CDH23: variants seen among roughly 807,000 people sequenced by gnomAD.
CDH23 encodes cadherin related 23.
CDH23 carries 189 observed loss-of-function variants against 317.1 expected under a neutral mutation model. The observed-to-expected ratio is 0.60, with a 90% CI of 0.53 to 0.67. The LOEUF (loss-of-function observed/expected upper bound fraction) is 0.67, where lower values mean the gene tolerates loss of function less well. Among genes scored for constraint, CDH23 ranks in the 30% least tolerant of loss-of-function variants. The pLI, the probability that CDH23 is intolerant of heterozygous loss-of-function variation, is 0.00. For missense variants in CDH23, 4,401 were observed against 4,592.4 expected (o/e 0.96, Z 1.20); for synonymous variants, 1,839 against 1,876.8 (o/e 0.98, Z 0.52).
At chr10:71,548,084 C>T (rs1856383464) in intron 6 of CDH23, among the ~76,000 whole-genome samples, 1 of 152,200 alleles carries the variant, frequency 6.6e-6, no homozygotes, top group African/African-American at 2.4e-5. Flanking sequence ...TTGGGCTCAG[C>T]AGTTGGCTCT....
chr10:71,693,284 T>TA lies in CDH23; in HGVS notation c.2177-863_2177-862insA, dbSNP rs35878434. 2.0e-5 allele frequency among the ~76,000 whole-genome samples: 3 copies of TA among 152,168 alleles called. No homozygotes were observed. In the East Asian group the frequency reaches 5.8e-4, roughly 29 times the overall value. On this transcript the variant is annotated intron_variant, in intron 20 of 69. Coordinates refer to ENST00000224721, the MANE Select transcript of CDH23 (RefSeq NM_022124.6). The stretch of plus-strand genomic sequence containing the variant: ...AAGGAAATTGGCAAATGCCTTTTTT[T>TA]TTTTTTATTTTGGGGAGCCAGTTGT...
At chr10:71,677,824 G>A (rs1864440124) in intron 16 of CDH23, 131 bp downstream of exon 16, 3 of 736,424 alleles carry the variant, frequency 4.1e-6, no homozygotes, top group Middle Eastern at 3.8e-4. Context: ...GGAGTGCAGT[G>A]GTACAATCAG....
chr10:71,716,200 G>A (rs1441454362), intron 28 of CDH23: 1 of 1,551,248 alleles, frequency 6.4e-7, no homozygotes, highest in South Asian at 1.2e-5. Flanking sequence ...CCAGCAGGAG[G>A]AAGATGCAGG....
At chr10:71,540,796 G>C (rs1855944024) in intron 6 of CDH23, among the ~76,000 whole-genome samples, 1 of 152,082 alleles carries the variant, frequency 6.6e-6, no homozygotes, top group Admixed American at 6.5e-5. Flanking sequence ...GGCAGGCCCT[G>C]ATGGGAGGGC....
At chr10:71,762,400 G>A (rs949143637) in intron 38 of CDH23, among the ~76,000 whole-genome samples, 5 of 152,246 alleles carry the variant, frequency 3.3e-5, no homozygotes, top group African/African-American at 7.2e-5. Flanking sequence ...GTCCTTGGCC[G>A]CTCTGTAGGG....
chr10:71,794,007 G>T (rs1401767275), intron 48 of CDH23, among the ~76,000 whole-genome samples: 1 of 151,904 alleles, frequency 6.6e-6, no homozygotes, highest in East Asian at 1.9e-4. Context: ...TTTTTGTTTT[G>T]GCTTTTTTTT....
intron 3 of CDH23, among the ~76,000 whole-genome samples, chr10:71,457,966 C>G (rs4747155): frequency 0.45 from 68,799 of 152,078 alleles, 15,804 homozygotes; most frequent in East Asian, 0.6. Flanking sequence ...GGGGCTGACA[C>G]ATGAGCCTGG....
chr10:71,425,963 A>C (rs1849058810), intron 1 of CDH23, among the ~76,000 whole-genome samples: 1 of 152,218 alleles, frequency 6.6e-6, no homozygotes, highest in South Asian at 2.1e-4. Context: ...GGATGAGAGC[A>C]GAGAAAGCAA....
At chr10:71,486,303 T>C (rs1852343681) in intron 3 of CDH23, among the ~76,000 whole-genome samples, 1 of 152,112 alleles carries the variant, frequency 6.6e-6, no homozygotes, top group Non-Finnish European at 1.5e-5. Flanking sequence ...CTAGGCACTC[T>C]GGGATTACAG....
At chr10:71,604,719 C>T (rs933349686) in intron 9 of CDH23, among the ~76,000 whole-genome samples, 1 of 152,230 alleles carries the variant, frequency 6.6e-6, no homozygotes. Context: ...CCAGCCCTGC[C>T]CTCCTCCTCC....
At chr10:71,737,773 GC>G (rs1209980875) in intron 34 of CDH23, 3 of 469,606 alleles carry the variant, frequency 6.4e-6, no homozygotes, top group Non-Finnish European at 1.3e-5. Context: ...TGGACTGGAG[GC>G]CTCACCCGCG....
At chr10:71,562,366 G>C (rs960736945) in intron 6 of CDH23, among the ~76,000 whole-genome samples, 6 of 152,220 alleles carry the variant, frequency 3.9e-5, no homozygotes, top group Non-Finnish European at 8.8e-5. Context: ...GTCTGGAGAC[G>C]GTTAAAAAGA....
intron 3 of CDH23, among the ~76,000 whole-genome samples, chr10:71,481,445 C>T (rs1168719160): frequency 6.6e-6 from 1 of 152,052 alleles, no homozygotes; most frequent in Non-Finnish European, 1.5e-5. Context: ...CCCACATGGC[C>T]CCACCAAAGA....
At chr10:71,760,879 T>C in intron 38 of CDH23, 1 of 1,613,688 alleles carries the variant, frequency 6.2e-7, no homozygotes, top group Non-Finnish European at 8.5e-7. Context: ...TTCACTATCC[T>C]GGGAGGAGGA....
chr10:71,625,177 G>C (rs910772776), intron 11 of CDH23, among the ~76,000 whole-genome samples: 2 of 151,926 alleles, frequency 1.3e-5, no homozygotes, highest in African/African-American at 4.8e-5. Context: ...CGAGGGTTGA[G>C]AATTCAGTCA....
intron 9 of CDH23, among the ~76,000 whole-genome samples, chr10:71,611,989 G>A (rs1007517808): frequency 5.3e-5 from 8 of 152,228 alleles, no homozygotes; most frequent in Non-Finnish European, 1.0e-4. Flanking sequence ...TCCAGCTTTG[G>A]AGGCAGGGCT....
intron 19 of CDH23, among the ~76,000 whole-genome samples, 188 bp downstream of exon 19, chr10:71,687,907 C>G (rs1864974216): frequency 6.6e-6 from 1 of 152,224 alleles, no homozygotes; most frequent in Non-Finnish European, 1.5e-5. Context: ...CAGCTAACAG[C>G]TAGTTCCAGA....
At chr10:71,518,801 C>T (rs1404894197) in intron 6 of CDH23, among the ~76,000 whole-genome samples, 1 of 152,228 alleles carries the variant, frequency 6.6e-6, no homozygotes, top group Non-Finnish European at 1.5e-5. Flanking sequence ...AACAGGGTCC[C>T]ACAAAACCAG....
chr10:71,451,290 C>A (rs1170014165), intron 3 of CDH23, among the ~76,000 whole-genome samples: 1 of 152,212 alleles, frequency 6.6e-6, no homozygotes, highest in East Asian at 1.9e-4. Flanking sequence ...CCTTTTTTAT[C>A]CCAGCCATGG....
Sources: allele counts gnomAD v4.1 joint callset (sites outside exome capture counted in the v4.1 genomes callset), GRCh38; gene constraint gnomAD v4.1.1; transcripts MANE v1.5; gene names NCBI Gene and HGNC (gene_info 2026-07-23, HGNC 2026-07-21).